TM9SF4: variants seen among roughly 807,000 people sequenced by gnomAD.
The protein encoded by TM9SF4 is dinucleotide oxidase disulfide thiol exchanger 3 superfamily member 4.
TM9SF4 carries 26 observed loss-of-function variants against 90.4 expected under a neutral mutation model. The ratio of observed to expected loss-of-function variants is 0.29; its 90% CI spans 0.21 to 0.40. The LOEUF (loss-of-function observed/expected upper bound fraction) is 0.40, where lower values mean the gene tolerates loss of function less well. Among genes scored for constraint, TM9SF4 ranks in the 10% least tolerant of loss-of-function variants. TM9SF4 has a pLI of 1.00. For synonymous variants in TM9SF4, 293 were observed against 315.4 expected (o/e 0.93, Z 0.75); for missense variants, 549 against 834.8 (o/e 0.66, Z 4.22).
intron 9 of TM9SF4, among the ~76,000 whole-genome samples, chr20:32,147,838 G>A (rs1035651494): frequency 1.5e-5 from 2 of 136,944 alleles, no homozygotes; most frequent in African/African-American, 5.4e-5. Context: ...GGGCAACAAA[G>A]TAAGACTCTG....
chr20:32,121,908 G>A (rs1461328126), intron 1 of TM9SF4, among the ~76,000 whole-genome samples: 1 of 148,330 alleles, frequency 6.7e-6, no homozygotes, highest in Non-Finnish European at 1.5e-5. Context: ...CTCCCGGACG[G>A]GGCGGCTGGC....
chr20:32,157,386 C>G (rs1361535355), intron 13 of TM9SF4, among the ~76,000 whole-genome samples: 1 of 152,226 alleles, frequency 6.6e-6, no homozygotes, highest in African/African-American at 2.4e-5. Flanking sequence ...CCTTTTTACA[C>G]TTAATAGTAT....
chr20:32,127,894 C>T (rs6121352), intron 1 of TM9SF4, among the ~76,000 whole-genome samples: 4 of 152,074 alleles, frequency 2.6e-5, no homozygotes, highest in African/African-American at 7.2e-5. Context: ...TTCAAATCAC[C>T]TATCAGATGA....
In TM9SF4 at chr20:32,165,489, G is replaced by A. The variant is rs1296192645; in HGVS notation, c.*45G>A. ...AGCTTGCTCCGTCCTCGGACAGGAA[G>A]CCACCCTGCGTGGGGGACTGCAGGC... is the stretch of plus-strand genomic sequence containing the variant. On this transcript the variant is annotated 3_prime_UTR_variant, in exon 18 of 18. Coordinates refer to ENST00000398022, the MANE Select transcript of TM9SF4 (RefSeq NM_014742.4). The A allele has an allele frequency of 6.2e-7, 1 of 1,606,296 alleles. No individual in the cohort carries two copies. Among genetic ancestry groups the A allele is most frequent in the Non-Finnish European group, 8.5e-7 (1 of 1,173,578 alleles).
intron 15 of TM9SF4, 38 bp from the exon 16 acceptor site, chr20:32,159,954 G>T: frequency 2.5e-6 from 4 of 1,613,712 alleles, no homozygotes; most frequent in South Asian, 1.1e-5. Flanking sequence ...GGGGAGCAGG[G>T]TGGTCAAGCC....
At chr20:32,161,921 G>A (rs1234982061) in intron 17 of TM9SF4, among the ~76,000 whole-genome samples, 4 of 152,184 alleles carry the variant, frequency 2.6e-5, no homozygotes, top group Non-Finnish European at 4.4e-5. Flanking sequence ...GCACCTCGGA[G>A]CCCTCCTAAC....
At chr20:32,161,201 C>A in intron 16 of TM9SF4, 75 bp from the exon 17 acceptor site, 1 of 1,315,666 alleles carries the variant, frequency 7.6e-7, no homozygotes, top group Non-Finnish European at 1.1e-6. Flanking sequence ...TCTTCAGCCC[C>A]TCAAGCAACT....
chr20:32,148,279 G>C (rs1164122778), intron 9 of TM9SF4, among the ~76,000 whole-genome samples: 1 of 152,178 alleles, frequency 6.6e-6, no homozygotes, highest in African/African-American at 2.4e-5. Flanking sequence ...GACCGTTTTG[G>C]ACCATCATAT....
chr20:32,161,385 G>A lies in TM9SF4; in HGVS notation c.1779+20G>A. ...AACAAGGTACTGCCCTCCTTGAGGA[G>A]GTCCTCTTAGTCCTCATAGGGTAGG... On this transcript the variant is annotated intron_variant, in intron 17 of 17. Coordinates refer to ENST00000398022, the MANE Select transcript of TM9SF4 (RefSeq NM_014742.4). 1 of 1,607,518 alleles carries A rather than the reference G, an allele frequency of 6.2e-7. No individual in the cohort carries two copies. The highest frequency in any genetic ancestry group is 8.5e-7 in the Non-Finnish European group (1 of 1,174,304).
chr20:32,152,841 G>A (rs2046862646), intron 12 of TM9SF4, among the ~76,000 whole-genome samples: 1 of 152,242 alleles, frequency 6.6e-6, no homozygotes, highest in Admixed American at 6.5e-5. Flanking sequence ...GACCTAAGTA[G>A]CACTTGGCAG....
intron 1 of TM9SF4, among the ~76,000 whole-genome samples, chr20:32,123,866 A>ATATATATATATATATATATATATTTTT: frequency 6.4e-5 from 6 of 93,956 alleles, no homozygotes; most frequent in African/African-American, 2.7e-4. Context: ...ATATATATAT[A>ATATATATATATATATATATATATTTTT]TTTTTTTTTT....
At chr20:32,158,625 C>T (rs542594540) in intron 15 of TM9SF4, 111 bp downstream of exon 15, 3 of 1,019,136 alleles carry the variant, frequency 2.9e-6, no homozygotes, top group Admixed American at 2.0e-5. Context: ...GGCCACTTCA[C>T]CTCTCGGAGC....
chr20:32,126,894 C>G (rs969230073), intron 1 of TM9SF4, among the ~76,000 whole-genome samples: 7 of 152,144 alleles, frequency 4.6e-5, no homozygotes, highest in African/African-American at 1.7e-4. Flanking sequence ...TGCCACCACG[C>G]CGGCTAATTT....
chr20:32,149,595 A>G (rs763984175), intron 9 of TM9SF4, 39 bp from the exon 10 acceptor site: 11 of 1,614,100 alleles, frequency 6.8e-6, no homozygotes, highest in South Asian at 1.1e-5. Flanking sequence ...AGCTGCCTCC[A>G]TCTTCAACAA....
intron 13 of TM9SF4, among the ~76,000 whole-genome samples, 184 bp downstream of exon 13, chr20:32,155,370 G>T (rs551577207): frequency 6.6e-6 from 1 of 152,314 alleles, no homozygotes; most frequent in East Asian, 1.9e-4. Context: ...GGTGTGTCAT[G>T]CCCTGGCCCT....
rs1449024474 is a variant in TM9SF4 at position 32,151,442 on chromosome 20, G to A, written c.1245+567G>A. ...GGATCCCCGAGCCCCTTCTCCTAGA[G>A]CGAGTGAGTCTCTTAGAGGACTAGG... On this transcript the variant is annotated intron_variant, in intron 12 of 17. Transcript: ENST00000398022. 6.4e-4 allele frequency among the ~76,000 whole-genome samples: 72 copies of A among 112,388 alleles called. 1 individual carries two copies. Among genetic ancestry groups the A allele is most frequent in the African/African-American group, 2.2e-3 (70 of 31,368 alleles). The allele number at this position is 112,388 out of a possible 152,430, so 73.7% of individuals were successfully genotyped here.
In TM9SF4 at chr20:32,150,888, A is replaced by C; in HGVS notation, c.1245+13A>C. ...AGGAGCCTTCTGTGTGAGTGTCCTAAACCTTCTCTTGTTTGGTGGGAAGCA... is the reference window on the plus strand; with the variant it reads ...AGGAGCCTTCTGTGTGAGTGTCCTACACCTTCTCTTGTTTGGTGGGAAGCA... On this transcript the variant is annotated intron_variant, in intron 12 of 17. Transcript: ENST00000398022. 6.2e-7 allele frequency: 1 copy of C among 1,613,822 alleles called. No individual in the cohort carries two copies. The highest frequency in any genetic ancestry group is 1.7e-5 in the Admixed American group (1 of 59,982).
rs2047087373 is a variant in TM9SF4 at position 32,165,498 on chromosome 20, C to T, written c.*54C>T. The T allele has an allele frequency of 4.4e-6, 7 of 1,595,846 alleles. No homozygotes were observed. Among genetic ancestry groups the T allele is most frequent in the South Asian group, 1.1e-5 (1 of 90,638 alleles). ...CGTCCTCGGACAGGAAGCCACCCTG[C>T]GTGGGGGACTGCAGGCACGCAAAAT... On this transcript the variant is annotated 3_prime_UTR_variant, in exon 18 of 18. Coordinates refer to ENST00000398022, the MANE Select transcript of TM9SF4 (RefSeq NM_014742.4).
intron 1 of TM9SF4, among the ~76,000 whole-genome samples, chr20:32,126,705 T>TG: frequency 6.6e-6 from 1 of 151,668 alleles, no homozygotes; most frequent in East Asian, 1.9e-4. Context: ...ACACAGTAGG[T>TG]GCTCAATAAG....
Sources: allele counts gnomAD v4.1 joint callset (sites outside exome capture counted in the v4.1 genomes callset), GRCh38; gene constraint gnomAD v4.1.1; transcripts MANE v1.5; gene names NCBI Gene and HGNC (gene_info 2026-07-23, HGNC 2026-07-21).